Variants in PRKCI observed in about 807,000 individuals in gnomAD.
PRKCI encodes the protein protein kinase C iota.
In PRKCI, 43 loss-of-function variants were observed where a neutral mutation model predicts 84.0. The ratio of observed to expected loss-of-function variants is 0.51; its 90% CI spans 0.40 to 0.66. The LOEUF (loss-of-function observed/expected upper bound fraction) is 0.66. PRKCI is among the 30% of genes least tolerant of loss of function. PRKCI has a pLI of 0.00. For missense variants in PRKCI, 459 were observed against 745.6 expected, an observed-to-expected ratio of 0.62 and a Z score of 4.48; for synonymous variants, 216 against 234.4, an observed-to-expected ratio of 0.92 and a Z score of 0.72.
Position 170,303,171 on chromosome 3 carries a change from T to A in PRKCI, c.*44T>A. 6.9e-7 allele frequency: 1 copy of A among 1,446,836 alleles called. No individual in the cohort carries two copies. The highest frequency in any genetic ancestry group is 9.5e-7 in the Non-Finnish European group (1 of 1,051,756). 89.6% of individuals were successfully genotyped at this position (1,446,836 alleles called of 1,614,324 possible). Reference sequence around the variant, plus strand: ...GTATTCTACTCATGTTGCCATTTAATGCATGGATAAACTTGCTGCAAGCCT... The same window carrying A: ...GTATTCTACTCATGTTGCCATTTAAAGCATGGATAAACTTGCTGCAAGCCT... On this transcript the variant is annotated 3_prime_UTR_variant, in exon 18 of 18. Transcript: ENST00000295797.
chr3:170,247,336 G>A (rs117333621), intron 2 of PRKCI, among the ~76,000 whole-genome samples: 3,166 of 151,932 alleles, frequency 0.021, 52 homozygotes, highest in East Asian at 0.085. Flanking sequence ...GATTACAGGC[G>A]TGAGCCACTG....
At chr3:170,249,036 G>A (rs1733367186) in intron 2 of PRKCI, among the ~76,000 whole-genome samples, 1 of 151,920 alleles carries the variant, frequency 6.6e-6, no homozygotes, top group African/African-American at 2.4e-5. Flanking sequence ...TTTCAGTAGA[G>A]ACGGGGTTTC....
chr3:170,228,328 G>A (rs115748767), intron 1 of PRKCI, among the ~76,000 whole-genome samples: 2,033 of 152,226 alleles, frequency 0.013, 47 homozygotes, highest in African/African-American at 0.046. Context: ...GGCTGGGTAT[G>A]GTGGTTCATG....
intron 2 of PRKCI, among the ~76,000 whole-genome samples, chr3:170,257,932 G>A (rs1403665583): frequency 6.6e-6 from 1 of 151,998 alleles, no homozygotes; most frequent in Non-Finnish European, 1.5e-5. Context: ...CCAAAGTGCC[G>A]GGATTCCAGG....
At chr3:170,248,375 G>C (rs915272880) in intron 2 of PRKCI, among the ~76,000 whole-genome samples, 228 of 130,546 alleles carry the variant, frequency 1.7e-3, no homozygotes, top group African/African-American at 6.0e-3. Flanking sequence ...ATATATTGGG[G>C]GGGGGAAAAA....
rs149722769 is a variant in PRKCI, at chr3:170,267,934, T to C, written c.384T>C (p.Gly128=). The C allele has an allele frequency of 8.1e-6, 13 of 1,611,926 alleles. No individual in the cohort carries two copies. Among genetic ancestry groups the C allele is most frequent in the Non-Finnish European group, 1.0e-5 (12 of 1,178,888 alleles). Residue 128 remains glycine (G), a synonymous_variant, in exon 5 of 18, where the codon GGT becomes GGC. Transcript: ENST00000295797. ...CTTCAGAATCCATCTACCGTAGAGG[T>C]GCACGCCGCTGGAGAAAGCTTTATT... The part of the protein sequence containing the change: ...PGEDKSIYRR[G]ARRWRKLYCA...
intron 4 of PRKCI, among the ~76,000 whole-genome samples, chr3:170,265,692 G>T (rs1259249829): frequency 2.0e-5 from 3 of 150,800 alleles, no homozygotes; most frequent in African/African-American, 7.3e-5. Flanking sequence ...TCGGCTGACT[G>T]CAAGCTCTGC....
At chr3:170,236,171 A>G (rs1732971274) in intron 2 of PRKCI, among the ~76,000 whole-genome samples, 1 of 151,224 alleles carries the variant, frequency 6.6e-6, no homozygotes, top group Non-Finnish European at 1.5e-5. Flanking sequence ...GCATGATATC[A>G]GCTCACTGTA....
At chr3:170,273,238 T>C in intron 6 of PRKCI, 48 bp from the exon 7 acceptor site, 1 of 1,455,356 alleles carries the variant, frequency 6.9e-7, no homozygotes, top group Non-Finnish European at 9.6e-7. Context: ...ATTTCTGGTG[T>C]AATAGAGGTA....
intron 1 of PRKCI, among the ~76,000 whole-genome samples, chr3:170,226,947 T>G (rs1007102484): frequency 6.6e-6 from 1 of 152,064 alleles, no homozygotes; most frequent in Non-Finnish European, 1.5e-5. Flanking sequence ...GAAATTTGAA[T>G]GAGAAAATAT....
chr3:170,226,242 T>C (rs1408405386), intron 1 of PRKCI, among the ~76,000 whole-genome samples: 1 of 152,192 alleles, frequency 6.6e-6, no homozygotes, highest in Non-Finnish European at 1.5e-5. Flanking sequence ...AGCAAGAGAT[T>C]AATAGCACTG....
chr3:170,240,222 CCTT>C (rs1217266991), intron 2 of PRKCI, among the ~76,000 whole-genome samples: 1 of 151,908 alleles, frequency 6.6e-6, no homozygotes, highest in African/African-American at 2.4e-5. Context: ...TAGCAACAAG[CCTT>C]TCCCTGGTTT....
intron 3 of PRKCI, among the ~76,000 whole-genome samples, chr3:170,262,463 G>T (rs189149834): frequency 6.6e-6 from 1 of 151,988 alleles, no homozygotes; most frequent in East Asian, 1.9e-4. Context: ...TGATGCATTG[G>T]TTTTTTTGTT....
At position 170,302,799 on chromosome 3, in the gene PRKCI, G is replaced by A. The variant is rs547856980; in HGVS notation, c.1704-241G>A. Among the ~76,000 whole-genome samples, 109 of 152,106 alleles carry A rather than the reference G, an allele frequency of 7.2e-4. 3 individuals carry two copies. The South Asian group carries it at 0.021, about 30-fold the overall frequency. ...GTGACAACTGGTGTCTTTTTTATTC[G>A]CAGTCCTCAGTTTTGAACTCCTTTT... On this transcript the variant is annotated intron_variant, in intron 17 of 17. Coordinates refer to ENST00000295797, the MANE Select transcript of PRKCI (RefSeq NM_002740.6).
chr3:170,273,044 A>G (rs542176471), intron 6 of PRKCI, among the ~76,000 whole-genome samples: 1 of 152,350 alleles, frequency 6.6e-6, no homozygotes, highest in South Asian at 2.1e-4. Flanking sequence ...GCAGTTTAAT[A>G]TGATTTCTAA....
At chr3:170,243,949 C>T (rs983122627) in intron 2 of PRKCI, among the ~76,000 whole-genome samples, 1 of 152,138 alleles carries the variant, frequency 6.6e-6, no homozygotes, top group Non-Finnish European at 1.5e-5. Flanking sequence ...CTGGGAGAAA[C>T]CCTTGGCAGT....
At chr3:170,236,387 C>T (rs542074978) in intron 2 of PRKCI, among the ~76,000 whole-genome samples, 8 of 152,224 alleles carry the variant, frequency 5.3e-5, no homozygotes, top group African/African-American at 1.7e-4. Context: ...AGGTATGGGC[C>T]ACCACACCTG....
intron 6 of PRKCI, among the ~76,000 whole-genome samples, chr3:170,273,023 CAGAATAT>C (rs1458659974): frequency 6.6e-6 from 1 of 152,118 alleles, no homozygotes. Flanking sequence ...AGAAGCAAAG[CAGAATAT>C]ATGGCAGTTT....
intron 16 of PRKCI, among the ~76,000 whole-genome samples, chr3:170,297,873 T>C (rs762681045): frequency 6.6e-6 from 1 of 152,138 alleles, no homozygotes; most frequent in Non-Finnish European, 1.5e-5. Flanking sequence ...CAATTTTTTT[T>C]TAATTTATTA....
Sources: allele counts gnomAD v4.1 joint callset (sites outside exome capture counted in the v4.1 genomes callset), GRCh38; gene constraint gnomAD v4.1.1; transcripts MANE v1.5; gene names NCBI Gene and HGNC (gene_info 2026-07-23, HGNC 2026-07-21).